The following BRCA1 variants were observed in gnomAD, a reference collection of about 807,000 sequenced individuals.
The protein encoded by BRCA1 is breast cancer type 1 susceptibility protein.
BRCA1 carries 140 observed loss-of-function variants against 173.7 expected under a neutral mutation model. The ratio of observed to expected loss-of-function variants is 0.81; its 90% CI spans 0.70 to 0.93. The LOEUF is 0.93. Among genes scored for constraint, BRCA1 ranks in the 40% least tolerant of loss-of-function variants. The probability of loss-of-function intolerance (pLI) is 0.00; values close to 1 mark genes in which losing one functional copy is unlikely to be tolerated. For synonymous variants in BRCA1, 662 were observed against 756.0 expected (o/e 0.88, Z 2.04); for missense variants, 1,983 against 2,172.5 (o/e 0.91, Z 1.73).
intron 6 of BRCA1, among the ~76,000 whole-genome samples, chr17:43,100,606 TA>T (rs2054368617): frequency 1.1e-5 from 1 of 90,092 alleles, no homozygotes; most frequent in Non-Finnish European, 2.1e-5. Flanking sequence ...TATATATATA[TA>T]ACATATATAT....
intron 3 of BRCA1, chr17:43,112,631 T>C (rs1182815579): frequency 6.7e-6 from 1 of 148,838 alleles, no homozygotes; most frequent in African/African-American, 2.5e-5. Context: ...CAAAAATATA[T>C]ATGTGTCACA....
Position 43,045,806 on chromosome 17 carries a change from G to A in BRCA1, c.5468-4C>T, listed in dbSNP as rs763484977. The stretch of plus-strand genomic sequence containing the variant: ...GCCTCACACATCTGCCCAATTGCTG[G>A]AGACAGAGAACACAAGCAGAGATTA... On this transcript the variant is annotated splice_region_variant and splice_polypyrimidine_tract_variant and intron_variant, in intron 22 of 22. Transcript: ENST00000357654. 8 of 1,614,064 alleles carry A rather than the reference G, an allele frequency of 5.0e-6. 1 individual carries two copies. In the South Asian group the frequency reaches 8.8e-5, roughly 18 times the overall value.
intron 13 of BRCA1, among the ~76,000 whole-genome samples, chr17:43,075,564 CTT>C (rs900303700): frequency 1.4e-5 from 2 of 146,042 alleles, no homozygotes; most frequent in Admixed American, 6.9e-5. Flanking sequence ...CTCTCTCTCT[CTT>C]TTTTTTTTTG....
At chr17:43,099,266 C>T (rs981206781) in intron 7 of BRCA1, among the ~76,000 whole-genome samples, 3 of 151,178 alleles carry the variant, frequency 2.0e-5, no homozygotes, top group Non-Finnish European at 4.4e-5. Context: ...GATATTCTTT[C>T]TTTTGCTCTC....
intron 3 of BRCA1, chr17:43,110,587 CAAA>C (rs201518255): frequency 0.022 from 5,745 of 265,318 alleles, no homozygotes; most frequent in South Asian, 0.032. Flanking sequence ...GACCCTGTCT[CAAA>C]AAAAAAAAAA....
At chr17:43,076,279 T>C (rs1597838659) in intron 13 of BRCA1, among the ~76,000 whole-genome samples, 1 of 152,102 alleles carries the variant, frequency 6.6e-6, no homozygotes, top group Admixed American at 6.6e-5. Flanking sequence ...CATATCTATC[T>C]AACCGCACAT....
At chr17:43,084,977 TC>T (rs1378154556) in intron 11 of BRCA1, among the ~76,000 whole-genome samples, 1 of 152,180 alleles carries the variant, frequency 6.6e-6, no homozygotes, top group Non-Finnish European at 1.5e-5. Flanking sequence ...CCTTTGGGTT[TC>T]CCAAAGGAAT....
intron 2 of BRCA1, among the ~76,000 whole-genome samples, chr17:43,116,120 G>A (rs1466945889): frequency 6.6e-6 from 1 of 152,058 alleles, no homozygotes; most frequent in African/African-American, 2.4e-5. Context: ...CACTGTGGGT[G>A]CACATCTCAT....
At chr17:43,120,808 G>A (rs1329916783) in intron 2 of BRCA1, among the ~76,000 whole-genome samples, 1 of 151,512 alleles carries the variant, frequency 6.6e-6, no homozygotes, top group Non-Finnish European at 1.5e-5. Context: ...AGGCGCAGTG[G>A]CTCACGCCAG....
intron 1 of BRCA1, chr17:43,164,716 C>T (rs540780224): frequency 6.6e-6 from 1 of 152,232 alleles, no homozygotes; most frequent in African/African-American, 2.4e-5. Flanking sequence ...TGGTTAGCAA[C>T]ACAAGGTAGG....
chr17:43,142,860 C>T (rs1358388292), intron 1 of BRCA1, among the ~76,000 whole-genome samples: 6 of 152,002 alleles, frequency 3.9e-5, no homozygotes, highest in Non-Finnish European at 8.8e-5. Flanking sequence ...TCTCCTACCT[C>T]AGCCTCCTGA....
rs730881455 is a variant in BRCA1, at chr17:43,076,553, A to T, written c.4419T>A (p.Ser1473=). The T allele has an allele frequency of 7.4e-6, 12 of 1,613,644 alleles. No homozygotes were observed. The highest frequency in any genetic ancestry group is 1.0e-5 in the Non-Finnish European group (12 of 1,179,810). The change falls in exon 13 of 23, where the codon TCT becomes TCA. Residue 1473 remains serine (S), a synonymous_variant. Coordinates refer to ENST00000357654, the MANE Select transcript of BRCA1 (RefSeq NM_007294.4). ...YPISQNPEGL[S]ADKFEVSADS... ...CTGCAGACACCTCAAACTTGTCAGC[A>T]GAAAGGCCTTCTGGATTCTGGCTTA...
At position 43,092,225 on chromosome 17, in the gene BRCA1, A is replaced by C. The variant is rs876658664; in HGVS notation, c.3306T>G (p.Asn1102Lys). The change falls in exon 10 of 23, where the codon AAT (asparagine) becomes AAG (lysine). Residue 1102 changes from asparagine (N) to lysine (K), a missense_variant. By Grantham distance (94) the Asn-to-Lys change is moderately conservative (BLOSUM62 0). Coordinates refer to ENST00000357654, the MANE Select transcript of BRCA1 (RefSeq NM_007294.4). The stretch of plus-strand genomic sequence containing the variant: ...GCTTTTTTATTTCAGGATGCTTACA[A>C]TTACTTCCAGGAAGACTTTGTTTAT... ...EVYKQSLPGS[N>K]CKHPEIKKQE... 6.2e-7 allele frequency: 1 copy of C among 1,613,514 alleles called. No individual in the cohort carries two copies. Among genetic ancestry groups the C allele is most frequent in the Non-Finnish European group, 8.5e-7 (1 of 1,179,956 alleles).
chr17:43,048,241 C>T (rs562962474), intron 21 of BRCA1, among the ~76,000 whole-genome samples: 13 of 152,120 alleles, frequency 8.5e-5, no homozygotes, highest in Admixed American at 3.9e-4. Context: ...CTCGCTCTGT[C>T]GCCCGGGCTG....
intron 19 of BRCA1, 137 bp downstream of exon 19, chr17:43,056,915 G>T (rs2051486283): frequency 3.7e-6 from 3 of 816,338 alleles, no homozygotes; most frequent in Non-Finnish European, 6.6e-6. Flanking sequence ...AGTGAAAAAA[G>T]AACCTGTGTG....
chr17:43,138,171 C>T (rs556611567), intron 1 of BRCA1: 4 of 179,512 alleles, frequency 2.2e-5, no homozygotes, highest in Admixed American at 5.4e-5. Flanking sequence ...GCAACAAGAG[C>T]GAAACTCCAT....
chr17:43,111,800 C>T (rs532189201), intron 3 of BRCA1, among the ~76,000 whole-genome samples: 2 of 151,978 alleles, frequency 1.3e-5, no homozygotes, highest in African/African-American at 2.4e-5. Context: ...CCAGCCTGGG[C>T]GACAGAGCGA....
At chr17:43,070,407 G>A (rs1185548859) in intron 15 of BRCA1, among the ~76,000 whole-genome samples, 1 of 152,124 alleles carries the variant, frequency 6.6e-6, no homozygotes, top group Non-Finnish European at 1.5e-5. Flanking sequence ...CTGGCATTAA[G>A]GACCCAAGGT....
chr17:43,167,736 C>G (rs895141480), intron 1 of BRCA1: 1 of 152,554 alleles, frequency 6.6e-6, no homozygotes, highest in African/African-American at 2.4e-5. Context: ...CTCCTGACCT[C>G]GTGATCTGCC....
Sources: allele counts gnomAD v4.1 joint callset (sites outside exome capture counted in the v4.1 genomes callset), GRCh38; gene constraint gnomAD v4.1.1; transcripts MANE v1.5; gene names NCBI Gene and HGNC (gene_info 2026-07-23, HGNC 2026-07-21).